MCC: variants seen among roughly 807,000 people sequenced by gnomAD.
The protein encoded by MCC is colorectal mutant cancer protein.
A neutral mutation model predicts 116.2 loss-of-function variants in MCC; 90 were observed. That is an observed-to-expected ratio of 0.77 (90% CI 0.65 to 0.92). The LOEUF (loss-of-function observed/expected upper bound fraction) is 0.92. MCC is among the 40% of genes least tolerant of loss of function. MCC has a pLI of 0.00. For missense variants in MCC, 1,516 were observed against 1,312.2 expected, an observed-to-expected ratio of 1.16 and a Z score of -2.40; for synonymous variants, 578 against 510.5, an observed-to-expected ratio of 1.13 and a Z score of -1.78.
At chr5:113,368,633 T>C (rs906203383) in intron 2 of MCC, among the ~76,000 whole-genome samples, 4 of 151,842 alleles carry the variant, frequency 2.6e-5, no homozygotes, top group Non-Finnish European at 4.4e-5. Flanking sequence ...TTTTTTTTTT[T>C]CCTATTCTTT....
Position 113,259,036 on chromosome 5 carries a change from T to C in MCC, c.627+81483A>G, listed in dbSNP as rs372953360. ...GTGATCTATTTAACTTGTAGATGTGTGTAAAAATGTTAAAAGGTGTTTTAT... is the reference window on the plus strand; with the variant it reads ...GTGATCTATTTAACTTGTAGATGTGCGTAAAAATGTTAAAAGGTGTTTTAT... On this transcript the variant is annotated intron_variant, in intron 3 of 18. Transcript: ENST00000408903. Among the ~76,000 whole-genome samples, 83 of 150,664 alleles carry C rather than the reference T, an allele frequency of 5.5e-4. 2 individuals are homozygous for C. The South Asian group carries it at 8.3e-3, about 15-fold the overall frequency.
chr5:113,261,333 T>G (rs1765211946), intron 3 of MCC, among the ~76,000 whole-genome samples: 1 of 152,188 alleles, frequency 6.6e-6, no homozygotes, highest in African/African-American at 2.4e-5. Context: ...AAATACGATT[T>G]CTACTGTATT....
intron 3 of MCC, among the ~76,000 whole-genome samples, chr5:113,305,880 C>CA (rs1336603548): frequency 6.6e-6 from 1 of 152,154 alleles, no homozygotes; most frequent in Non-Finnish European, 1.5e-5. Flanking sequence ...TCATCACCCC[C>CA]AAACGAAATT....
chr5:113,071,635 A>G (rs1754050368), intron 11 of MCC, among the ~76,000 whole-genome samples: 1 of 152,228 alleles, frequency 6.6e-6, no homozygotes, highest in Non-Finnish European at 1.5e-5. Context: ...GCAAGACAGC[A>G]GTCATGGCTA....
rs1203143416 is a variant in MCC, at chr5:113,488,269, CCGTCGCA to C, written c.139_145del (p.Cys47AlafsTer13). 2 of 1,595,522 alleles carry C rather than the reference CCGTCGCA, an allele frequency of 1.3e-6. No homozygotes were observed. Among genetic ancestry groups the C allele is most frequent in the African/African-American group, 2.8e-5 (2 of 72,286 alleles). On this transcript the variant is annotated frameshift_variant, in exon 1 of 19. Transcript: ENST00000408903. LOFTEE classifies it high-confidence loss of function. ...CCTGCTGATGTATCCGTCCCCGTCG[CCGTCGCA>C]CGTCTGGAAGAGGCGCCGCATCCTC...
intron 5 of MCC, among the ~76,000 whole-genome samples, chr5:113,130,959 C>T (rs1296650944): frequency 6.6e-6 from 1 of 152,206 alleles, no homozygotes; most frequent in Non-Finnish European, 1.5e-5. Context: ...CTGATTCTCT[C>T]CCAAAGGCCT....
At chr5:113,115,032 A>T (rs1288642673) in intron 6 of MCC, among the ~76,000 whole-genome samples, 1 of 149,020 alleles carries the variant, frequency 6.7e-6, no homozygotes, top group Non-Finnish European at 1.5e-5. Context: ...TAAGCTGTCC[A>T]CGAACAGCAA....
intron 4 of MCC, among the ~76,000 whole-genome samples, chr5:113,147,417 A>G (rs1317000156): frequency 6.6e-6 from 1 of 152,128 alleles, no homozygotes; most frequent in East Asian, 1.9e-4. Context: ...ACCGGGTTTT[A>G]TCTTACTCCA....
Position 113,023,173 on chromosome 5 carries a change from G to A in MCC, c.*4129C>T, listed in dbSNP as rs1580855133. On this transcript the variant is annotated 3_prime_UTR_variant, in exon 19 of 19. Coordinates refer to ENST00000408903, the MANE Select transcript of MCC (RefSeq NM_001085377.2). ...AGAGTAATTTCAGGTGTGTTAAACA[G>A]GAGATGCTTCTGAAGGCCACAAGTT... The A allele has an allele frequency of 1.3e-5, 2 of 152,328 alleles. No individual in the cohort carries two copies. The highest frequency in any genetic ancestry group is 3.9e-4 in the East Asian group (2 of 5,188). The allele number at this position is 152,328 out of a possible 1,614,324, so 9.4% of individuals were successfully genotyped here.
chr5:113,466,552 A>T (rs1771914986), intron 1 of MCC, among the ~76,000 whole-genome samples: 2 of 151,978 alleles, frequency 1.3e-5, no homozygotes. Flanking sequence ...CATGGTGTAT[A>T]TGTGCCACAT....
intron 2 of MCC, among the ~76,000 whole-genome samples, chr5:113,346,093 A>G (rs1768125168): frequency 6.6e-6 from 1 of 152,194 alleles, no homozygotes; most frequent in African/African-American, 2.4e-5. Flanking sequence ...CAATTGACCT[A>G]CTGAAGAATG....
At chr5:113,131,101 G>A (rs959063062) in intron 5 of MCC, among the ~76,000 whole-genome samples, 2 of 152,210 alleles carry the variant, frequency 1.3e-5, no homozygotes, top group African/African-American at 2.4e-5. Flanking sequence ...GCAGCAGTGA[G>A]CTAACGAGCA....
At chr5:113,186,893 A>AT (rs1761920847) in intron 3 of MCC, among the ~76,000 whole-genome samples, 1 of 152,144 alleles carries the variant, frequency 6.6e-6, no homozygotes, top group African/African-American at 2.4e-5. Flanking sequence ...GGGGGAGGAT[A>AT]GGGGGAGCTA....
At chr5:113,384,856 C>T in intron 2 of MCC, 112 bp downstream of exon 2, 1 of 1,286,678 alleles carries the variant, frequency 7.8e-7, no homozygotes, top group Non-Finnish European at 1.1e-6. Flanking sequence ...GGAGGGCAGC[C>T]TCAGTATGAG....
At chr5:113,104,790 C>T (rs969628419) in intron 6 of MCC, among the ~76,000 whole-genome samples, 4 of 152,200 alleles carry the variant, frequency 2.6e-5, no homozygotes, top group Non-Finnish European at 2.9e-5. Context: ...AAAACAGAAA[C>T]TGTGTAAGAG....
At chr5:113,171,572 CT>C (rs1311278384) in intron 3 of MCC, among the ~76,000 whole-genome samples, 1 of 151,992 alleles carries the variant, frequency 6.6e-6, no homozygotes, top group Non-Finnish European at 1.5e-5. Context: ...CCAGGCTGGT[CT>C]TGAACTCCTG....
At chr5:113,245,180 T>A (rs1400863399) in intron 3 of MCC, among the ~76,000 whole-genome samples, 1 of 151,240 alleles carries the variant, frequency 6.6e-6, no homozygotes, top group East Asian at 1.9e-4. Context: ...TCCCAGCTAT[T>A]CACCAGGAGG....
At chr5:113,253,989 A>G (rs1436792849) in intron 3 of MCC, among the ~76,000 whole-genome samples, 1 of 152,246 alleles carries the variant, frequency 6.6e-6, no homozygotes, top group Admixed American at 6.5e-5. Flanking sequence ...GAAGCCTAAC[A>G]TCAATCTACT....
At chr5:113,386,763 A>ATATC (rs1347335103) in intron 1 of MCC, among the ~76,000 whole-genome samples, 76 of 150,504 alleles carry the variant, frequency 5.0e-4, no homozygotes, top group Non-Finnish European at 6.9e-4. Context: ...TCATATATAT[A>ATATC]TATATATATA....
Sources: allele counts gnomAD v4.1 joint callset (sites outside exome capture counted in the v4.1 genomes callset), GRCh38; gene constraint gnomAD v4.1.1; transcripts MANE v1.5; gene names NCBI Gene and HGNC (gene_info 2026-07-23, HGNC 2026-07-21).